Variants in NUSAP1 observed in about 807,000 individuals in gnomAD.
NUSAP1 encodes nucleolar and spindle-associated protein 1.
Under a neutral mutation model 52.8 loss-of-function variants are expected in NUSAP1, and 32 were observed. The observed-to-expected ratio is 0.61, with a 90% CI of 0.46 to 0.81. The LOEUF (loss-of-function observed/expected upper bound fraction) is 0.81, where lower values mean the gene tolerates loss of function less well. NUSAP1 is among the 40% of genes least tolerant of loss of function. The pLI, the probability that NUSAP1 is intolerant of heterozygous loss-of-function variation, is 0.00. For synonymous variants in NUSAP1, 195 were observed against 183.1 expected (o/e 1.06, Z -0.52); for missense variants, 499 against 522.3 (o/e 0.96, Z 0.43).
intron 5 of NUSAP1, among the ~76,000 whole-genome samples, chr15:41,357,589 G>A (rs1438354915): frequency 2.0e-5 from 3 of 151,632 alleles, no homozygotes; most frequent in Non-Finnish European, 2.9e-5. Context: ...GATTACAGGC[G>A]TGCGCCACCA....
intron 5 of NUSAP1, among the ~76,000 whole-genome samples, chr15:41,356,895 A>G (rs1187641988): frequency 6.6e-6 from 1 of 152,106 alleles, no homozygotes; most frequent in East Asian, 1.9e-4. Flanking sequence ...GGCACATAGA[A>G]TGTTGATTAT....
intron 2 of NUSAP1, among the ~76,000 whole-genome samples, chr15:41,346,826 CAAAAATAAATAAATAAATAAA>C (rs1381792273): frequency 6.1e-4 from 79 of 129,996 alleles, no homozygotes; most frequent in Non-Finnish European, 5.6e-4. Flanking sequence ...GACCCCGTCT[CAAAAATAAATAAATAAATAAA>C]TAAATAAATA....
At chr15:41,363,665 A>C (rs1257919442) in intron 6 of NUSAP1, among the ~76,000 whole-genome samples, 2 of 151,948 alleles carry the variant, frequency 1.3e-5, no homozygotes, top group Admixed American at 6.6e-5. Flanking sequence ...GGGCCACCAG[A>C]TTATGTTTAT....
At chr15:41,367,588 C>T (rs2049473347) in intron 7 of NUSAP1, among the ~76,000 whole-genome samples, 1 of 152,106 alleles carries the variant, frequency 6.6e-6, no homozygotes, top group Non-Finnish European at 1.5e-5. Context: ...TAATGCACAC[C>T]TTGTGCTCCT....
intron 1 of NUSAP1, among the ~76,000 whole-genome samples, chr15:41,338,912 CCAAGATCACGG>C (rs1037401709): frequency 1.2e-4 from 18 of 152,080 alleles, no homozygotes; most frequent in Admixed American, 3.3e-4. Context: ...CTGCAGTGAG[CCAAGATCACGG>C]CACTGCACTC....
intron 8 of NUSAP1, among the ~76,000 whole-genome samples, chr15:41,372,544 G>A (rs981158753): frequency 6.6e-6 from 1 of 152,178 alleles, no homozygotes; most frequent in African/African-American, 2.4e-5. Flanking sequence ...CCTAGGAGCA[G>A]GACAGCTGGA....
intron 4 of NUSAP1, among the ~76,000 whole-genome samples, chr15:41,351,448 T>C (rs144932578): frequency 5.2e-4 from 79 of 152,324 alleles, no homozygotes; most frequent in African/African-American, 1.9e-3. Flanking sequence ...TGACATTCTC[T>C]CTCTATGTCT....
chr15:41,380,703 A>T lies in NUSAP1; in HGVS notation c.*517A>T, dbSNP rs113721252. The T allele has an allele frequency of 5.6e-3, 849 of 152,606 alleles. 3 individuals carry two copies. Among genetic ancestry groups the T allele is most frequent in the Non-Finnish European group, 7.9e-3 (537 of 68,314 alleles). The allele number at this position is 152,606 out of a possible 1,614,324, so 9.5% of individuals were successfully genotyped here. A position where few individuals can be genotyped will look rare whatever the true frequency, so the allele number is the denominator to read the frequency against. ...GACATCAATATTTTACCTAGGTGAA[A>T]TTGTTTAGGCTTATGTACCTTCGTT... is the stretch of plus-strand genomic sequence containing the variant. On this transcript the variant is annotated 3_prime_UTR_variant, in exon 11 of 11. Transcript: ENST00000559596.
chr15:41,363,347 A>C (rs1203117069), intron 6 of NUSAP1, among the ~76,000 whole-genome samples: 4 of 149,488 alleles, frequency 2.7e-5, no homozygotes, highest in Middle Eastern at 3.6e-3. Flanking sequence ...CTCTATATAT[A>C]TATACAATTT....
At chr15:41,377,429 G>T in intron 10 of NUSAP1, 125 bp downstream of exon 10, 1 of 519,742 alleles carries the variant, frequency 1.9e-6, no homozygotes, top group East Asian at 3.8e-5. Flanking sequence ...GCCGTGTGCG[G>T]TGGCTCACGC....
intron 4 of NUSAP1, among the ~76,000 whole-genome samples, chr15:41,353,798 C>T (rs1050335869): frequency 6.6e-6 from 1 of 152,062 alleles, no homozygotes; most frequent in African/African-American, 2.4e-5. Flanking sequence ...TGGTTTAACC[C>T]GCTACCTGTC....
intron 2 of NUSAP1, chr15:41,344,213 CAAAAAAAAAAAA>C (rs965547801): frequency 3.7e-4 from 20 of 54,326 alleles, no homozygotes; most frequent in Middle Eastern, 8.3e-3. Context: ...GACTCCATCT[CAAAAAAAAAAAA>C]AAAAAAAGAA....
intron 1 of NUSAP1, among the ~76,000 whole-genome samples, chr15:41,338,314 G>A (rs948187137): frequency 4.6e-5 from 7 of 152,090 alleles, no homozygotes; most frequent in Non-Finnish European, 7.4e-5. Context: ...TCTCCCCTGG[G>A]ATGCTGACTC....
chr15:41,366,171 C>G (rs2049400741), intron 7 of NUSAP1, among the ~76,000 whole-genome samples: 1 of 152,174 alleles, frequency 6.6e-6, no homozygotes, highest in Admixed American at 6.5e-5. Context: ...CAAGGTCTCA[C>G]TACGTTGTCC....
chr15:41,354,884 G>A (rs2048906261), intron 4 of NUSAP1, among the ~76,000 whole-genome samples: 1 of 151,380 alleles, frequency 6.6e-6, no homozygotes, highest in Non-Finnish European at 1.5e-5. Flanking sequence ...GCCGGGTGTG[G>A]GGGCGGGCGC....
chr15:41,378,702 G>A (rs1018739478), intron 10 of NUSAP1, among the ~76,000 whole-genome samples: 8 of 151,922 alleles, frequency 5.3e-5, no homozygotes, highest in African/African-American at 1.2e-4. Flanking sequence ...CCCGGGAGGC[G>A]GAGGTTGTGG....
chr15:41,353,198 G>A (rs997417791), intron 4 of NUSAP1, among the ~76,000 whole-genome samples: 10 of 151,984 alleles, frequency 6.6e-5, no homozygotes, highest in Admixed American at 2.6e-4. Context: ...TTGCCCAGGC[G>A]GGAGTACAGT....
chr15:41,378,944 G>GTTTGTTTTTTTTTTTTT (rs2050091896), intron 10 of NUSAP1, among the ~76,000 whole-genome samples: 1 of 63,270 alleles, frequency 1.6e-5, no homozygotes, highest in Non-Finnish European at 2.7e-5. Context: ...ACTTATCTTG[G>GTTTGTTTTTTTTTTTTT]TTTTTTTTTT....
chr15:41,334,010 C>T (rs1317525406), intron 1 of NUSAP1, among the ~76,000 whole-genome samples: 1 of 152,238 alleles, frequency 6.6e-6, no homozygotes, highest in Non-Finnish European at 1.5e-5. Flanking sequence ...ATAGTTGAGA[C>T]TTCCCACATA....
Sources: gnomAD v4.1 joint callset for allele counts (sites outside exome capture counted in the v4.1 genomes callset) on GRCh38, gnomAD v4.1.1 for gene constraint, MANE v1.5 for transcripts, NCBI Gene and HGNC (gene_info 2026-07-23, HGNC 2026-07-21) for gene names.